The following SMOC2 variants were observed in gnomAD, a reference collection of about 807,000 sequenced individuals.
SMOC2 encodes SPARC related modular calcium binding 2.
A neutral mutation model predicts 61.4 loss-of-function variants in SMOC2; 39 were observed. The ratio of observed to expected loss-of-function variants is 0.64; its 90% CI spans 0.49 to 0.83. The LOEUF is 0.83. Ranked by LOEUF, SMOC2 falls within the 40% of genes least tolerant of loss-of-function variation. The probability of loss-of-function intolerance (pLI) is 0.00; values close to 1 mark genes in which losing one functional copy is unlikely to be tolerated. For missense variants in SMOC2, 556 were observed against 592.9 expected (o/e 0.94, Z 0.65); for synonymous variants, 247 against 239.9 (o/e 1.03, Z -0.27).
In SMOC2 at chr6:168,606,047, C is replaced by G. The variant is rs367837030; in HGVS notation, c.825-2110C>G. Reference sequence around the variant, plus strand: ...CCCGGAGCTTGAAGTGAAGATCGTTCAGCCCTCAGAGTGCCCTAGTTCTAC... The same window carrying G: ...CCCGGAGCTTGAAGTGAAGATCGTTGAGCCCTCAGAGTGCCCTAGTTCTAC... On this transcript the variant is annotated intron_variant, in intron 8 of 12. Transcript: ENST00000356284. Among the ~76,000 whole-genome samples the G allele has an allele frequency of 1.6e-4, 24 of 152,308 alleles. No individual in the cohort carries two copies. In the East Asian group the frequency reaches 4.4e-3, roughly 28 times the overall value.
intron 1 of SMOC2, among the ~76,000 whole-genome samples, chr6:168,506,219 A>G (rs530524116): frequency 1.3e-5 from 2 of 152,058 alleles, no homozygotes; most frequent in Non-Finnish European, 2.9e-5. Context: ...CACCCCTGAT[A>G]GAGACAGAGT....
Position 168,652,928 on chromosome 6 carries a change from CCTGACGGCAT to C in SMOC2, c.1011-22_1011-13del, listed in dbSNP as rs756061088. The stretch of plus-strand genomic sequence containing the variant: ...AGGAGCAGCCCAGGGGTTTAAGCAT[CCTGACGGCAT>C]CTGTGTTCCTTCCAGGCTCTCAGAA... On this transcript the variant is annotated splice_polypyrimidine_tract_variant and intron_variant, in intron 10 of 12. Transcript: ENST00000356284. 44 of 1,606,846 alleles carry C rather than the reference CCTGACGGCAT, an allele frequency of 2.7e-5. No individual in the cohort carries two copies. The highest frequency in any genetic ancestry group is 3.7e-5 in the Non-Finnish European group (44 of 1,176,860).
intron 7 of SMOC2, 29 bp from the exon 8 acceptor site, chr6:168,598,789 C>T (rs1232463096): frequency 6.2e-7 from 1 of 1,611,832 alleles, no homozygotes; most frequent in African/African-American, 1.3e-5. Context: ...CTGGATCCTG[C>T]TCACCTTTTG....
At chr6:168,451,076 A>G (rs192247458) in intron 1 of SMOC2, among the ~76,000 whole-genome samples, 26 of 152,280 alleles carry the variant, frequency 1.7e-4, no homozygotes, top group Non-Finnish European at 3.4e-4. Flanking sequence ...GGGTGTGGCT[A>G]GAGCTCACTC....
chr6:168,577,650 A>G (rs1191996640), intron 7 of SMOC2, among the ~76,000 whole-genome samples: 1 of 152,170 alleles, frequency 6.6e-6, no homozygotes, highest in Non-Finnish European at 1.5e-5. Flanking sequence ...CTGGTCCCGC[A>G]GCATCTCCCA....
rs1289416445 is a variant in SMOC2 at position 168,667,501 on chromosome 6, A to G, written c.*1063A>G. ...GCATCAAGGGTACGAGAACTTGCCA[A>G]TGGGAAATTCATCCGAGTGGCACTG... On this transcript the variant is annotated 3_prime_UTR_variant, in exon 13 of 13. Transcript: ENST00000356284. 2 of 152,170 alleles carry G rather than the reference A, an allele frequency of 1.3e-5. No individual in the cohort carries two copies. Among genetic ancestry groups the G allele is most frequent in the Non-Finnish European group, 2.9e-5 (2 of 68,042 alleles). 9.4% of individuals were successfully genotyped at this position (152,170 alleles called of 1,614,324 possible). A position where few individuals can be genotyped will look rare whatever the true frequency, so the allele number is the denominator to read the frequency against.
chr6:168,602,108 T>C (rs1180121443), intron 8 of SMOC2, among the ~76,000 whole-genome samples: 1 of 152,148 alleles, frequency 6.6e-6, no homozygotes, highest in Non-Finnish European at 1.5e-5. Flanking sequence ...GGAAATAGCA[T>C]TGAATAAGAG....
intron 4 of SMOC2, among the ~76,000 whole-genome samples, chr6:168,543,289 A>T (rs1414754591): frequency 6.6e-6 from 1 of 152,180 alleles, no homozygotes; most frequent in African/African-American, 2.4e-5. Context: ...TTTTTACCTA[A>T]TTCACTTCAG....
intron 9 of SMOC2, among the ~76,000 whole-genome samples, chr6:168,628,241 G>T (rs187407734): frequency 6.6e-6 from 1 of 152,188 alleles, no homozygotes. Context: ...AAAGGGCCTC[G>T]TCGAGACATA....
At chr6:168,543,918 T>C (rs2180346) in intron 5 of SMOC2, among the ~76,000 whole-genome samples, 18,299 of 152,112 alleles carry the variant, frequency 0.12, 1,518 homozygotes, top group East Asian at 0.4. Flanking sequence ...CAACGGCAGA[T>C]GCTGTTAGGA....
intron 7 of SMOC2, among the ~76,000 whole-genome samples, chr6:168,557,466 C>G (rs6928444): frequency 0.49 from 74,517 of 152,158 alleles, 19,982 homozygotes; most frequent in African/African-American, 0.73. Context: ...GCTTTTCAAC[C>G]TAAGTACAGA....
Position 168,652,952 on chromosome 6 carries a change from A to G in SMOC2, c.1011-2A>G. 6.2e-7 allele frequency: 1 copy of G among 1,612,572 alleles called. No individual in the cohort carries two copies. The highest frequency in any genetic ancestry group is 8.5e-7 in the Non-Finnish European group (1 of 1,179,418). On this transcript the variant is annotated splice_acceptor_variant, in intron 10 of 12. Coordinates refer to ENST00000356284, the MANE Select transcript of SMOC2 (RefSeq NM_001166412.2). LOFTEE classifies it high-confidence loss of function. The stretch of plus-strand genomic sequence containing the variant: ...TCCTGACGGCATCTGTGTTCCTTCC[A>G]GGCTCTCAGAACCCGACCCCAGCCA...
rs146786655 is a variant in SMOC2, at chr6:168,529,530, G to A, written c.463+1803G>A. On this transcript the variant is annotated intron_variant, in intron 4 of 12. Coordinates refer to ENST00000356284, the MANE Select transcript of SMOC2 (RefSeq NM_001166412.2). Reference sequence around the variant, plus strand: ...ATATTCCGCAGGTCTACAGAGTTACGGAAAAACTCTCTTAATCCCTGGCTG... The same window carrying A: ...ATATTCCGCAGGTCTACAGAGTTACAGAAAAACTCTCTTAATCCCTGGCTG... 7.2e-3 allele frequency among the ~76,000 whole-genome samples: 1,099 copies of A among 152,276 alleles called. 15 individuals are homozygous for A. Among genetic ancestry groups the A allele is most frequent in the African/African-American group, 0.025 (1,058 of 41,558 alleles).
intron 12 of SMOC2, chr6:168,665,004 T>C (rs755497152): frequency 9.5e-6 from 3 of 315,904 alleles, no homozygotes; most frequent in Non-Finnish European, 1.9e-5. Context: ...TTTAAAACCA[T>C]TTCCTGAGGA....
At chr6:168,461,876 C>T (rs1781726124) in intron 1 of SMOC2, among the ~76,000 whole-genome samples, 1 of 152,134 alleles carries the variant, frequency 6.6e-6, no homozygotes, top group Non-Finnish European at 1.5e-5. Flanking sequence ...ATTTGAGAAG[C>T]TGTGATATTT....
intron 2 of SMOC2, among the ~76,000 whole-genome samples, chr6:168,522,620 G>C (rs1783355880): frequency 6.6e-6 from 1 of 152,204 alleles, no homozygotes; most frequent in African/African-American, 2.4e-5. Context: ...TGATTACATT[G>C]ATGGTGTAGA....
Position 168,614,410 on chromosome 6 carries a change from T to C in SMOC2, c.907+6171T>C, listed in dbSNP as rs78632818. On this transcript the variant is annotated intron_variant, in intron 9 of 12. Coordinates refer to ENST00000356284, the MANE Select transcript of SMOC2 (RefSeq NM_001166412.2). ...ACCTACAGCCAGCACAGGGCCTCTTTATACCTACAGCCAGCACAGGGCCTC... is the reference window on the plus strand; with the variant it reads ...ACCTACAGCCAGCACAGGGCCTCTTCATACCTACAGCCAGCACAGGGCCTC... Among the ~76,000 whole-genome samples the C allele has an allele frequency of 3.1e-4, 23 of 73,714 alleles. 1 individual carries two copies. The highest frequency in any genetic ancestry group is 3.5e-4 in the Admixed American group (2 of 5,772). The allele number at this position is 73,714 out of a possible 152,430, so 48.4% of individuals were successfully genotyped here.
intron 1 of SMOC2, among the ~76,000 whole-genome samples, chr6:168,478,832 C>A (rs562726708): frequency 6.6e-6 from 1 of 151,950 alleles, no homozygotes; most frequent in South Asian, 2.1e-4. Flanking sequence ...GGTATCTGGT[C>A]TAGAACAGCC....
intron 2 of SMOC2, among the ~76,000 whole-genome samples, chr6:168,519,216 TGAGA>T (rs35476270): frequency 2.5e-4 from 35 of 141,094 alleles, no homozygotes; most frequent in South Asian, 1.2e-3. Flanking sequence ...CATGCGTGTG[TGAGA>T]GAGTGTGTAT....
Sources: gnomAD v4.1 joint callset for allele counts (sites outside exome capture counted in the v4.1 genomes callset) on GRCh38, gnomAD v4.1.1 for gene constraint, MANE v1.5 for transcripts, NCBI Gene and HGNC (gene_info 2026-07-23, HGNC 2026-07-21) for gene names.